Variants in DACH2 observed in about 807,000 individuals in gnomAD.
DACH2 encodes dachshund family transcription factor 2, also known as dachshund homolog 2.
Under a neutral mutation model 35.8 loss-of-function variants are expected in DACH2, and 17 were observed. The ratio of observed to expected loss-of-function variants is 0.48; its 90% CI spans 0.33 to 0.71. DACH2 has a LOEUF of 0.71. Ranked by LOEUF, DACH2 falls within the 30% of genes least tolerant of loss-of-function variation. DACH2 has a pLI of 0.02. For synonymous variants in DACH2, 195 were observed against 177.3 expected (o/e 1.10, Z -0.79); for missense variants, 469 against 472.7 (o/e 0.99, Z 0.07).
At chrX:86,411,204 A>G (rs1277211123) in intron 2 of DACH2, among the ~76,000 whole-genome samples, 5 of 105,935 alleles carry the variant, frequency 4.7e-5, no homozygotes, top group African/African-American at 1.7e-4. Context: ...ACAGCATGGA[A>G]GAAAGATGTA....
rs1379483405 is a variant in DACH2, at chrX:86,579,176, G to T, written c.640+64785G>T. Among the ~76,000 whole-genome samples, 5 of 108,140 alleles carry T rather than the reference G, an allele frequency of 4.6e-5. No homozygotes were observed. In the South Asian group the frequency reaches 1.2e-3, roughly 26 times the overall value. 93.9% of individuals were successfully genotyped at this position (108,140 alleles called of 115,157 possible). On this transcript the variant is annotated intron_variant, in intron 3 of 11. Transcript: ENST00000373125. ...GGCACAATCTCGGCTCACTGCAACCGCCGCCTCCCAGGTTCAAGCAATTCT... is the reference window on the plus strand; with the variant it reads ...GGCACAATCTCGGCTCACTGCAACCTCCGCCTCCCAGGTTCAAGCAATTCT...
intron 1 of DACH2, among the ~76,000 whole-genome samples, chrX:86,152,773 A>G (rs991456306): frequency 2.7e-5 from 3 of 111,794 alleles, no homozygotes; most frequent in African/African-American, 6.5e-5. Context: ...TCAACACTAA[A>G]TGGGAAAAAT....
At chrX:86,424,903 A>C (rs1308575730) in intron 2 of DACH2, among the ~76,000 whole-genome samples, 2 of 111,350 alleles carry the variant, frequency 1.8e-5, no homozygotes, top group African/African-American at 6.5e-5. Context: ...GAATTTTATT[A>C]AATGCTTTTT....
At chrX:86,274,128 C>T (rs914494378) in intron 1 of DACH2, among the ~76,000 whole-genome samples, 12 of 51,685 alleles carry the variant, frequency 2.3e-4, no homozygotes, top group Admixed American at 5.9e-4. Context: ...AGGTCAACAG[C>T]CCCTTAGAGA....
chrX:86,759,179 G>A (rs1431865568), intron 7 of DACH2, among the ~76,000 whole-genome samples: 2 of 111,123 alleles, frequency 1.8e-5, no homozygotes, highest in African/African-American at 6.5e-5. Flanking sequence ...TTCATTTTCT[G>A]TCTAGGTGAT....
intron 5 of DACH2, among the ~76,000 whole-genome samples, chrX:86,705,147 C>A (rs76499186): frequency 9.4e-6 from 1 of 106,318 alleles, no homozygotes; most frequent in Non-Finnish European, 1.9e-5. Context: ...CCACAGCAGC[C>A]TAGATGGAAC....
intron 3 of DACH2, among the ~76,000 whole-genome samples, chrX:86,579,338 C>T (rs1342045631): frequency 1.8e-5 from 2 of 111,129 alleles, no homozygotes; most frequent in Non-Finnish European, 3.8e-5. Flanking sequence ...AGTGATCTAC[C>T]TACTTCGTCC....
intron 7 of DACH2, among the ~76,000 whole-genome samples, chrX:86,781,572 A>G (rs1429171942): frequency 9.0e-6 from 1 of 111,593 alleles, no homozygotes; most frequent in Non-Finnish European, 1.9e-5. Flanking sequence ...AGCCAACTGT[A>G]GAAACCCCAA....
intron 2 of DACH2, among the ~76,000 whole-genome samples, chrX:86,395,540 C>T (rs2036271791): frequency 1.8e-5 from 2 of 110,405 alleles, no homozygotes; most frequent in African/African-American, 6.6e-5. Context: ...TTCCTTCCTC[C>T]CCCCACCCCA....
At chrX:86,772,699 T>C (rs2041997942) in intron 7 of DACH2, among the ~76,000 whole-genome samples, 1 of 111,330 alleles carries the variant, frequency 9.0e-6, no homozygotes, top group Admixed American at 9.6e-5. Context: ...CCTTTTTAAT[T>C]GCCAGAAATA....
At chrX:86,291,409 C>G (rs907712868) in intron 1 of DACH2, among the ~76,000 whole-genome samples, 1 of 95,381 alleles carries the variant, frequency 1.0e-5, no homozygotes, top group African/African-American at 4.1e-5. Flanking sequence ...GATTGAATAC[C>G]CTTTATTTCC....
intron 7 of DACH2, among the ~76,000 whole-genome samples, chrX:86,758,420 T>C (rs1400214032): frequency 8.9e-6 from 1 of 112,107 alleles, no homozygotes; most frequent in Non-Finnish European, 1.9e-5. Context: ...TGGTATGTTG[T>C]GTTTCAATTT....
intron 4 of DACH2, among the ~76,000 whole-genome samples, chrX:86,692,487 G>T (rs2041021967): frequency 9.0e-6 from 1 of 111,491 alleles, no homozygotes; most frequent in African/African-American, 3.3e-5. Flanking sequence ...CCTTTGATAA[G>T]ATTTTAAAAA....
chrX:86,428,496 A>G (rs1266015176), intron 2 of DACH2, among the ~76,000 whole-genome samples: 1 of 112,114 alleles, frequency 8.9e-6, no homozygotes, highest in Non-Finnish European at 1.9e-5. Flanking sequence ...CGGATGACTA[A>G]TTACTATTAT....
intron 1 of DACH2, among the ~76,000 whole-genome samples, chrX:86,295,278 C>G (rs1169905174): frequency 8.9e-6 from 1 of 112,137 alleles, no homozygotes; most frequent in Non-Finnish European, 1.9e-5. Context: ...TGCTTCGGCT[C>G]GCGCACGGTG....
chrX:86,158,797 A>G (rs773202603), intron 1 of DACH2, among the ~76,000 whole-genome samples: 32 of 111,365 alleles, frequency 2.9e-4, no homozygotes, highest in Non-Finnish European at 5.8e-4. Context: ...CCTTTCCTAT[A>G]TCTGCCTCAT....
At chrX:86,197,677 A>G (rs78695872) in intron 1 of DACH2, among the ~76,000 whole-genome samples, 1 of 111,870 alleles carries the variant, frequency 8.9e-6, no homozygotes, top group Non-Finnish European at 1.9e-5. Context: ...AAAAGAGAGC[A>G]TTACATAATG....
At chrX:86,240,132 T>A (rs1450582934) in intron 1 of DACH2, among the ~76,000 whole-genome samples, 1 of 111,729 alleles carries the variant, frequency 9.0e-6, no homozygotes, top group Non-Finnish European at 1.9e-5. Flanking sequence ...CAAAACTGAT[T>A]CTACTTAAAC....
intron 7 of DACH2, among the ~76,000 whole-genome samples, chrX:86,768,892 G>T (rs1330299264): frequency 1.8e-5 from 2 of 110,984 alleles, no homozygotes; most frequent in Non-Finnish European, 3.8e-5. Context: ...ACTTGTAAGT[G>T]AGAACACGCA....
Sources: allele counts gnomAD v4.1 joint callset (sites outside exome capture counted in the v4.1 genomes callset), GRCh38; gene constraint gnomAD v4.1.1; transcripts MANE v1.5; gene names NCBI Gene and HGNC (gene_info 2026-07-23, HGNC 2026-07-21).